The following ZNF609 variants were observed in gnomAD, a reference collection of about 807,000 sequenced individuals.
ZNF609 encodes the protein zinc finger protein 609.
ZNF609 carries 11 observed loss-of-function variants against 109.5 expected under a neutral mutation model. That is an observed-to-expected ratio of 0.10 (90% confidence interval 0.06 to 0.17). The LOEUF (loss-of-function observed/expected upper bound fraction) is 0.17, where lower values mean the gene tolerates loss of function less well. Among genes scored for constraint, ZNF609 ranks in the 10% least tolerant of loss-of-function variants. The pLI, the probability that ZNF609 is intolerant of heterozygous loss-of-function variation, is 1.00. For missense variants in ZNF609, 1,559 were observed against 1,772.4 expected (o/e 0.88, Z 2.16); for synonymous variants, 646 against 662.0 (o/e 0.98, Z 0.37).
intron 3 of ZNF609, among the ~76,000 whole-genome samples, chr15:64,646,939 C>CAAAAA (rs10628744): frequency 0.038 from 2,248 of 59,744 alleles, 192 homozygotes; most frequent in African/African-American, 0.15. Flanking sequence ...GACTCTGTCT[C>CAAAAA]AAAAAAAAAA....
chr15:64,648,210 T>C (rs549740686), intron 3 of ZNF609, among the ~76,000 whole-genome samples: 11 of 152,276 alleles, frequency 7.2e-5, no homozygotes, highest in African/African-American at 2.6e-4. Context: ...TATAAGGCCA[T>C]GCAGTATGGT....
chr15:64,587,810 G>A lies in ZNF609; in HGVS notation c.748-35017G>A, dbSNP rs990053403. Among the ~76,000 whole-genome samples the A allele has an allele frequency of 7.2e-5, 11 of 152,062 alleles. No individual in the cohort carries two copies. In the East Asian group the frequency reaches 1.7e-3, roughly 24 times the overall value. On this transcript the variant is annotated intron_variant, in intron 2 of 9. Coordinates refer to ENST00000326648, the MANE Select transcript of ZNF609 (RefSeq NM_015042.2). ...ATTACTCCTGATTGTCTATGGATGTGGTGTCTCCAGGTTAATTTTTCTGAA... is the reference window on the plus strand; with the variant it reads ...ATTACTCCTGATTGTCTATGGATGTAGTGTCTCCAGGTTAATTTTTCTGAA...
chr15:64,637,657 G>A (rs536745258), intron 3 of ZNF609, among the ~76,000 whole-genome samples: 1 of 152,194 alleles, frequency 6.6e-6, no homozygotes, highest in East Asian at 1.9e-4. Flanking sequence ...ATCTTTTCAT[G>A]TGTTCATTGG....
At chr15:64,579,928 T>G (rs936967485) in intron 2 of ZNF609, among the ~76,000 whole-genome samples, 2 of 152,122 alleles carry the variant, frequency 1.3e-5, no homozygotes, top group Non-Finnish European at 2.9e-5. Context: ...GAATACTGCC[T>G]CCTCCAAAAA....
intron 3 of ZNF609, among the ~76,000 whole-genome samples, chr15:64,626,624 T>G (rs1437534261): frequency 6.6e-6 from 1 of 152,222 alleles, no homozygotes; most frequent in Non-Finnish European, 1.5e-5. Context: ...GCCACCTTGC[T>G]GAGAACAGGT....
intron 1 of ZNF609, among the ~76,000 whole-genome samples, chr15:64,481,660 C>T (rs1477314906): frequency 2.0e-5 from 3 of 152,090 alleles, no homozygotes; most frequent in African/African-American, 4.8e-5. Flanking sequence ...ATATTGGAAA[C>T]GTTTTCAGTC....
chr15:64,637,994 TTATA>T (rs3057845), intron 3 of ZNF609, among the ~76,000 whole-genome samples: 51 of 134,350 alleles, frequency 3.8e-4, no homozygotes, highest in South Asian at 2.4e-4. Flanking sequence ...GAACCTTGTT[TTATA>T]TATATATATA....
At chr15:64,556,269 T>TA (rs1894584996) in intron 2 of ZNF609, among the ~76,000 whole-genome samples, 1 of 151,824 alleles carries the variant, frequency 6.6e-6, no homozygotes, top group African/African-American at 2.4e-5. Context: ...GTGCTGGGAG[T>TA]ACAGGCGTGA....
At chr15:64,555,497 C>G (rs1212562165) in intron 2 of ZNF609, among the ~76,000 whole-genome samples, 1 of 151,820 alleles carries the variant, frequency 6.6e-6, no homozygotes, top group Non-Finnish European at 1.5e-5. Context: ...AACCTCGTCT[C>G]TACTAAAAAT....
At chr15:64,632,236 GT>G (rs1015783115) in intron 3 of ZNF609, among the ~76,000 whole-genome samples, 1 of 151,436 alleles carries the variant, frequency 6.6e-6, no homozygotes, top group Admixed American at 6.6e-5. Flanking sequence ...TTTTTTTTTG[GT>G]AGAGACAGTG....
intron 2 of ZNF609, among the ~76,000 whole-genome samples, chr15:64,559,506 G>A (rs1055700686): frequency 1.3e-5 from 2 of 152,194 alleles, no homozygotes; most frequent in African/African-American, 2.4e-5. Context: ...AAGCCTTTGC[G>A]TGAGGTATTC....
intron 2 of ZNF609, among the ~76,000 whole-genome samples, chr15:64,550,723 C>CATGGGAT: frequency 6.6e-6 from 1 of 151,304 alleles, no homozygotes; most frequent in Non-Finnish European, 1.5e-5. Flanking sequence ...GTAATCCCAG[C>CATGGGAT]TACTTGAGAG....
chr15:64,648,694 ACAATAAGTTGTATG>A (rs1378538529), intron 3 of ZNF609, among the ~76,000 whole-genome samples: 1 of 151,292 alleles, frequency 6.6e-6, no homozygotes, highest in Non-Finnish European at 1.5e-5. Flanking sequence ...ATGTTAAAGC[ACAATAAGTTGTATG>A]CATTATTGGA....
intron 2 of ZNF609, among the ~76,000 whole-genome samples, chr15:64,552,020 A>G (rs1160784099): frequency 1.3e-5 from 2 of 151,776 alleles, no homozygotes; most frequent in African/African-American, 4.8e-5. Context: ...CTTATTTTAA[A>G]TTGAGTTGTT....
intron 3 of ZNF609, among the ~76,000 whole-genome samples, chr15:64,629,749 A>G (rs1173601080): frequency 3.3e-5 from 5 of 152,188 alleles, no homozygotes; most frequent in African/African-American, 1.2e-4. Context: ...GGCTCTTACT[A>G]AGGGAAAAGG....
chr15:64,589,228 T>A (rs988982498), intron 2 of ZNF609, among the ~76,000 whole-genome samples: 4 of 152,116 alleles, frequency 2.6e-5, no homozygotes, highest in South Asian at 2.1e-4. Flanking sequence ...CTGATTTTTT[T>A]AATTGATGGT....
At chr15:64,678,813 C>T (rs183215480) in intron 6 of ZNF609, among the ~76,000 whole-genome samples, 9 of 152,342 alleles carry the variant, frequency 5.9e-5, no homozygotes, top group African/African-American at 1.7e-4. Flanking sequence ...ATATACTCCA[C>T]GTTTTGCAGT....
chr15:64,565,722 T>G (rs1468354362), intron 2 of ZNF609, among the ~76,000 whole-genome samples: 1 of 152,220 alleles, frequency 6.6e-6, no homozygotes, highest in African/African-American at 2.4e-5. Flanking sequence ...GAGCTAAGAT[T>G]CATTTTTGTG....
chr15:64,589,922 GA>G (rs1162685199), intron 2 of ZNF609, among the ~76,000 whole-genome samples: 3 of 152,216 alleles, frequency 2.0e-5, no homozygotes, highest in Non-Finnish European at 2.9e-5. Context: ...AAGCGATAGT[GA>G]AAATTGAGAC....
Sources: gnomAD v4.1 joint callset for allele counts (sites outside exome capture counted in the v4.1 genomes callset) on GRCh38, gnomAD v4.1.1 for gene constraint, MANE v1.5 for transcripts, NCBI Gene and HGNC (gene_info 2026-07-23, HGNC 2026-07-21) for gene names.